Variants in CCNY observed in about 807,000 individuals in gnomAD.
CCNY encodes the protein cyclin Y.
In CCNY, 19 loss-of-function variants were observed where a neutral mutation model predicts 42.8. The ratio of observed to expected loss-of-function variants is 0.44; its 90% CI spans 0.31 to 0.65. The LOEUF is 0.65. Among genes scored for constraint, CCNY ranks in the 30% least tolerant of loss-of-function variants. The probability of loss-of-function intolerance (pLI) is 0.07; values close to 1 mark genes in which losing one functional copy is unlikely to be tolerated. For synonymous variants in CCNY, 165 were observed against 162.7 expected, an observed-to-expected ratio of 1.01 and a Z score of -0.11; for missense variants, 370 against 437.3, an observed-to-expected ratio of 0.85 and a Z score of 1.37.
At chr10:35,555,174 T>C (rs1208663521) in intron 8 of CCNY, among the ~76,000 whole-genome samples, 1 of 152,178 alleles carries the variant, frequency 6.6e-6, no homozygotes, top group East Asian at 1.9e-4. Context: ...GGTTCAATAA[T>C]GCTCCAACAA....
chr10:35,517,914 G>A (rs965520805), intron 4 of CCNY, among the ~76,000 whole-genome samples: 2 of 152,188 alleles, frequency 1.3e-5, no homozygotes, highest in South Asian at 4.1e-4. Context: ...ATTAGGACTC[G>A]CGGAGAGAAG....
intron 3 of CCNY, among the ~76,000 whole-genome samples, chr10:35,277,141 T>G (rs1288360169): frequency 1.3e-5 from 2 of 152,198 alleles, no homozygotes; most frequent in African/African-American, 4.8e-5. Context: ...GCAGCCTCGG[T>G]TGGGCTTTGC....
chr10:35,438,385 G>A (rs1838588364), intron 1 of CCNY, among the ~76,000 whole-genome samples: 1 of 151,802 alleles, frequency 6.6e-6, no homozygotes, highest in African/African-American at 2.4e-5. Flanking sequence ...TGAACTCTTG[G>A]GCTCAAGTGA....
At chr10:35,424,385 C>T (rs910715417) in intron 1 of CCNY, among the ~76,000 whole-genome samples, 3 of 152,146 alleles carry the variant, frequency 2.0e-5, no homozygotes, top group African/African-American at 7.2e-5. Flanking sequence ...CGCCACCACA[C>T]CTGGCTAAGT....
At chr10:35,443,969 G>A (rs1461683700) in intron 1 of CCNY, among the ~76,000 whole-genome samples, 2,057 of 152,328 alleles carry the variant, frequency 0.014, 38 homozygotes, top group East Asian at 0.056. Context: ...CCATAGGGTG[G>A]ACGTGTCAGA....
intron 3 of CCNY, among the ~76,000 whole-genome samples, chr10:35,268,424 G>T (rs2095727815): frequency 6.6e-6 from 1 of 152,174 alleles, no homozygotes; most frequent in Non-Finnish European, 1.5e-5. Flanking sequence ...GGCTGTGGTT[G>T]GGTCCCTGAG....
intron 3 of CCNY, among the ~76,000 whole-genome samples, chr10:35,285,503 C>T (rs1835343064): frequency 6.6e-6 from 1 of 152,178 alleles, no homozygotes; most frequent in Non-Finnish European, 1.5e-5. Context: ...CAGCTCACTG[C>T]AGCCTTGACT....
chr10:35,474,485 G>A (rs1176891041), intron 1 of CCNY, among the ~76,000 whole-genome samples: 2 of 152,184 alleles, frequency 1.3e-5, no homozygotes, highest in Non-Finnish European at 2.9e-5. Flanking sequence ...GTGGGTCCCT[G>A]ACCCCTGACC....
chr10:35,273,243 C>G (rs1383141456), intron 3 of CCNY, among the ~76,000 whole-genome samples: 2 of 151,910 alleles, frequency 1.3e-5, no homozygotes, highest in East Asian at 3.9e-4. Context: ...GCTCTGTCAC[C>G]TAGGCTGGAG....
chr10:35,327,233 C>T (rs1362782394), intron 3 of CCNY, among the ~76,000 whole-genome samples: 1 of 152,162 alleles, frequency 6.6e-6, no homozygotes, highest in African/African-American at 2.4e-5. Flanking sequence ...CAGTGAATAT[C>T]CCTAAAAACA....
chr10:35,552,967 G>A, intron 7 of CCNY, 52 bp from the exon 8 acceptor site: 1 of 1,547,042 alleles, frequency 6.5e-7, no homozygotes, highest in Non-Finnish European at 8.9e-7. Flanking sequence ...AGGTGTGCTG[G>A]TGTTTAGGAG....
chr10:35,258,947 A>AAAAGG (rs1440638424), intron 3 of CCNY, among the ~76,000 whole-genome samples: 1 of 151,576 alleles, frequency 6.6e-6, no homozygotes, highest in Non-Finnish European at 1.5e-5. Context: ...AAAAAAAAAA[A>AAAAGG]AAGGAAACAC....
In CCNY at chr10:35,336,953, C is replaced by T. The variant is rs1232796543; in HGVS notation, c.-101C>T. ...CTCCCGTGGCGGCGAGCGGGCGGGC[C>T]TCCCCACACGCCCCCGCCGCCCGCG... is the stretch of plus-strand genomic sequence containing the variant. On this transcript the variant is annotated 5_prime_UTR_variant, in exon 1 of 10. Coordinates refer to ENST00000374704, the MANE Select transcript of CCNY (RefSeq NM_145012.6). 5.3e-6 allele frequency: 5 copies of T among 940,114 alleles called. No individual in the cohort carries two copies. The highest frequency in any genetic ancestry group is 4.7e-5 in the East Asian group (1 of 21,362). 58.2% of individuals were successfully genotyped at this position (940,114 alleles called of 1,614,324 possible).
intron 3 of CCNY, among the ~76,000 whole-genome samples, chr10:35,260,894 C>T (rs556525020): frequency 4.3e-4 from 66 of 152,202 alleles, no homozygotes; most frequent in African/African-American, 1.6e-3. Flanking sequence ...GAAGATTGCT[C>T]AAAGCCAGAA....
intron 5 of CCNY, among the ~76,000 whole-genome samples, chr10:35,527,246 G>C (rs1324226351): frequency 1.3e-5 from 2 of 152,116 alleles, no homozygotes; most frequent in Non-Finnish European, 2.9e-5. Flanking sequence ...TGAAAGTGTA[G>C]ATTTTATCTT....
At chr10:35,277,388 C>G (rs1477679624) in intron 3 of CCNY, among the ~76,000 whole-genome samples, 1 of 152,178 alleles carries the variant, frequency 6.6e-6, no homozygotes, top group Non-Finnish European at 1.5e-5. Context: ...GTCTCAGGGT[C>G]ACACTCCTTT....
intron 2 of CCNY, among the ~76,000 whole-genome samples, chr10:35,484,143 A>G (rs1276175561): frequency 2.6e-5 from 4 of 152,178 alleles, no homozygotes; most frequent in African/African-American, 9.7e-5. Flanking sequence ...TTGGATTCCT[A>G]TAGAAAAAGG....
At chr10:35,552,045 C>T (rs549790730) in intron 7 of CCNY, among the ~76,000 whole-genome samples, 2 of 152,308 alleles carry the variant, frequency 1.3e-5, no homozygotes, top group East Asian at 1.9e-4. Context: ...ATTAAAAGCA[C>T]GGATTCAAAC....
chr10:35,460,798 A>G (rs1191146350), intron 1 of CCNY, among the ~76,000 whole-genome samples: 1 of 152,190 alleles, frequency 6.6e-6, no homozygotes, highest in Non-Finnish European at 1.5e-5. Flanking sequence ...TCCTCCTTTC[A>G]TTAGCCCAGG....
Sources: gnomAD v4.1 joint callset for allele counts (sites outside exome capture counted in the v4.1 genomes callset) on GRCh38, gnomAD v4.1.1 for gene constraint, MANE v1.5 for transcripts, NCBI Gene and HGNC (gene_info 2026-07-23, HGNC 2026-07-21) for gene names.